CDH23: variants seen among roughly 807,000 people sequenced by gnomAD.
The protein encoded by CDH23 is cadherin related 23.
CDH23 carries 189 observed loss-of-function variants against 317.1 expected under a neutral mutation model. The ratio of observed to expected loss-of-function variants is 0.60; its 90% CI spans 0.53 to 0.67. The LOEUF (loss-of-function observed/expected upper bound fraction) is 0.67. CDH23 is among the 30% of genes least tolerant of loss of function. The pLI is 0.00. For synonymous variants in CDH23, 1,839 were observed against 1,876.8 expected, an observed-to-expected ratio of 0.98 and a Z score of 0.52; for missense variants, 4,401 against 4,592.4, an observed-to-expected ratio of 0.96 and a Z score of 1.20.
At chr10:71,682,347 C>A in intron 17 of CDH23, 98 bp from the exon 18 acceptor site, 1 of 1,492,742 alleles carries the variant, frequency 6.7e-7, no homozygotes, top group Non-Finnish European at 9.1e-7. Flanking sequence ...TGGCCCGGGC[C>A]ATGCCAGCCA....
chr10:71,736,624 G>A (rs1015082087), intron 34 of CDH23, among the ~76,000 whole-genome samples: 7 of 152,118 alleles, frequency 4.6e-5, no homozygotes, highest in Admixed American at 3.9e-4. Context: ...ACCCACTGAG[G>A]CCAACCCCCT....
chr10:71,436,441 C>T (rs1458424399), intron 1 of CDH23, among the ~76,000 whole-genome samples: 1 of 152,140 alleles, frequency 6.6e-6, no homozygotes, highest in African/African-American at 2.4e-5. Flanking sequence ...TATTGTGCTC[C>T]GTGAGGGAGG....
chr10:71,622,683 A>G (rs1861525008), intron 11 of CDH23, among the ~76,000 whole-genome samples: 1 of 152,128 alleles, frequency 6.6e-6, no homozygotes. Context: ...CAGGAGAAAT[A>G]CCATTTGCGG....
intron 39 of CDH23, 120 bp from the exon 40 acceptor site, chr10:71,778,069 G>C (rs1341052489): frequency 2.0e-6 from 3 of 1,480,246 alleles, no homozygotes; most frequent in African/African-American, 2.8e-5. Context: ...CCTGGGCTAG[G>C]GGGTGGCAGT....
At chr10:71,785,607 A>G (rs773524593) in intron 43 of CDH23, 24 bp from the exon 44 acceptor site, 6 of 1,477,012 alleles carry the variant, frequency 4.1e-6, no homozygotes, top group South Asian at 2.4e-5. Flanking sequence ...GTCTCCATGC[A>G]GCTCACCACC....
chr10:71,581,300 A>T (rs1858609496), intron 9 of CDH23, among the ~76,000 whole-genome samples: 1 of 152,192 alleles, frequency 6.6e-6, no homozygotes, highest in Non-Finnish European at 1.5e-5. Flanking sequence ...GGGCAGAGCC[A>T]AATGGAGAGT....
chr10:71,547,649 G>A (rs1287414572), intron 6 of CDH23, among the ~76,000 whole-genome samples: 1 of 152,246 alleles, frequency 6.6e-6, no homozygotes, highest in Non-Finnish European at 1.5e-5. Context: ...CCGCAGGGGT[G>A]GTGGTGGGTG....
At chr10:71,454,821 C>T (rs570089827) in intron 3 of CDH23, among the ~76,000 whole-genome samples, 1 of 150,706 alleles carries the variant, frequency 6.6e-6, no homozygotes, top group African/African-American at 2.4e-5. Flanking sequence ...AAAATAAATA[C>T]ATACTATATT....
At chr10:71,607,374 G>T (rs1043346942) in intron 9 of CDH23, among the ~76,000 whole-genome samples, 1 of 152,224 alleles carries the variant, frequency 6.6e-6, no homozygotes, top group African/African-American at 2.4e-5. Context: ...GGATGATCGA[G>T]TGCAGGTTAT....
chr10:71,596,030 G>A (rs1238123722), intron 9 of CDH23, among the ~76,000 whole-genome samples: 2 of 152,134 alleles, frequency 1.3e-5, no homozygotes, highest in African/African-American at 4.8e-5. Context: ...GCTCTGGGCA[G>A]CCCCCTCTGT....
chr10:71,776,382 T>A (rs897418462), intron 38 of CDH23, among the ~76,000 whole-genome samples: 9 of 152,222 alleles, frequency 5.9e-5, no homozygotes, highest in African/African-American at 2.2e-4. Context: ...TACATTGAGT[T>A]GTCTGTACCA....
At chr10:71,801,598 G>T (rs1328773559) in intron 53 of CDH23, among the ~76,000 whole-genome samples, 1 of 152,096 alleles carries the variant, frequency 6.6e-6, no homozygotes, top group Non-Finnish European at 1.5e-5. Context: ...AGGCCTCAAG[G>T]TTTTGCTTCC....
chr10:71,495,093 T>C (rs1852888076), intron 3 of CDH23, among the ~76,000 whole-genome samples: 1 of 152,088 alleles, frequency 6.6e-6, no homozygotes, highest in East Asian at 1.9e-4. Flanking sequence ...GACCCCCACT[T>C]CCCTGTCAAA....
At chr10:71,681,354 T>A (rs534083142) in intron 17 of CDH23, among the ~76,000 whole-genome samples, 2 of 152,278 alleles carry the variant, frequency 1.3e-5, no homozygotes, top group Admixed American at 1.3e-4. Context: ...TGAGAATCAA[T>A]GGCTTAGCAC....
intron 6 of CDH23, among the ~76,000 whole-genome samples, chr10:71,536,993 G>T (rs553311753): frequency 2.0e-4 from 31 of 152,100 alleles, no homozygotes; most frequent in Non-Finnish European, 3.7e-4. Flanking sequence ...ATTTGATTGC[G>T]AGGCTGCTCT....
intron 48 of CDH23, chr10:71,795,672 C>T (rs1371189140): frequency 4.3e-6 from 2 of 460,964 alleles, no homozygotes; most frequent in Non-Finnish European, 5.7e-6. Context: ...CTTCCCAGTG[C>T]CTCTTCCCCT....
chr10:71,641,515 C>T (rs917726507), intron 11 of CDH23, among the ~76,000 whole-genome samples: 4 of 152,190 alleles, frequency 2.6e-5, no homozygotes, highest in African/African-American at 9.7e-5. Context: ...TGATTCTTCT[C>T]CACACTCCGT....
At position 71,741,448 on chromosome 10, in the gene CDH23, A is replaced by T. The variant is rs72817955; in HGVS notation, c.4618-246A>T. Among the ~76,000 whole-genome samples the T allele has an allele frequency of 0.044, 6,634 of 152,286 alleles. 196 individuals carry two copies. Among genetic ancestry groups the T allele is most frequent in the Non-Finnish European group, 0.07 (4,745 of 68,014 alleles). On this transcript the variant is annotated intron_variant, in intron 37 of 69. Coordinates refer to ENST00000224721, the MANE Select transcript of CDH23 (RefSeq NM_022124.6). Reference sequence around the variant, plus strand: ...GTTTTCTCTTCTGTAAATGAGGATGATGATGCCAGTACCTAACTCACAGAG... The same window carrying T: ...GTTTTCTCTTCTGTAAATGAGGATGTTGATGCCAGTACCTAACTCACAGAG...
chr10:71,648,787 G>A (rs956734), intron 14 of CDH23, among the ~76,000 whole-genome samples: 13,750 of 152,152 alleles, frequency 0.09, 802 homozygotes, highest in Non-Finnish European at 0.13. Flanking sequence ...CAGCAGATCC[G>A]GCCAGCCTCC....
Sources: gnomAD v4.1 joint callset for allele counts (sites outside exome capture counted in the v4.1 genomes callset) on GRCh38, gnomAD v4.1.1 for gene constraint, MANE v1.5 for transcripts, NCBI Gene and HGNC (gene_info 2026-07-23, HGNC 2026-07-21) for gene names.